The following LDB1 variants were observed in gnomAD, a reference collection of about 807,000 sequenced individuals.
The protein encoded by LDB1 is LIM domain binding 1.
In LDB1, 6 loss-of-function variants were observed where a neutral mutation model predicts 49.7. The ratio of observed to expected loss-of-function variants is 0.12; its 90% CI spans 0.07 to 0.24. The LOEUF is 0.24. LDB1 is among the 10% of genes least tolerant of loss of function. LDB1 has a pLI of 1.00. For missense variants in LDB1, 341 were observed against 561.7 expected (o/e 0.61, Z 3.97); for synonymous variants, 233 against 202.0 (o/e 1.15, Z -1.30).
rs759369989 is a variant in LDB1, at chr10:102,109,622, T to C, written c.710A>G (p.Asn237Ser). The change falls in exon 8 of 11, where the codon AAT becomes AGT. Residue 237 changes from asparagine (N) to serine (S), a missense_variant. Physicochemically the swap from Asn to Ser is conservative, Grantham distance 46 (BLOSUM62 1). Transcript: ENST00000673968. This position sits in a 1 kb window ranked among gnomAD's most constrained non-coding sequence, Gnocchi z 5.8. ...SKNITRCGLS[N>S]STLNYLRLCV... Reference sequence around the variant, plus strand: ...CACTCGGAGGTAGTTGAGAGTGGAATTGGACAGCCCACACCGAGTGATGTT... The same window carrying C: ...CACTCGGAGGTAGTTGAGAGTGGAACTGGACAGCCCACACCGAGTGATGTT... 7 of 1,614,036 alleles carry C rather than the reference T, an allele frequency of 4.3e-6. No homozygotes were observed. The highest frequency in any genetic ancestry group is 1.1e-5 in the South Asian group (1 of 91,072).
At chr10:102,112,103 G>C (rs1288143391) in intron 1 of LDB1, among the ~76,000 whole-genome samples, 1 of 152,154 alleles carries the variant, frequency 6.6e-6, no homozygotes, top group Non-Finnish European at 1.5e-5. Flanking sequence ...ATTTGGCTGA[G>C]TCCTAGATGA....
rs888099283 is a variant in LDB1, at chr10:102,107,928, G to A, written c.*165C>T. Reference sequence around the variant, plus strand: ...AGGCCCAGCCCAGGGCCACTGGGGGGGCAAATCTTGGCACCTGCCCCCAGA... The same window carrying A: ...AGGCCCAGCCCAGGGCCACTGGGGGAGCAAATCTTGGCACCTGCCCCCAGA... On this transcript the variant is annotated 3_prime_UTR_variant, in exon 11 of 11. Coordinates refer to ENST00000673968, the MANE Select transcript of LDB1 (RefSeq NM_001113407.3). 1.0e-5 allele frequency: 7 copies of A among 675,002 alleles called. No individual in the cohort carries two copies. The highest frequency in any genetic ancestry group is 1.8e-5 in the Non-Finnish European group (7 of 386,168). 41.8% of individuals were successfully genotyped at this position (675,002 alleles called of 1,614,324 possible).
intron 10 of LDB1, 84 bp from the exon 11 acceptor site, chr10:102,108,407 C>T (rs1262024901): frequency 9.4e-7 from 1 of 1,063,682 alleles, no homozygotes; most frequent in Non-Finnish European, 1.4e-6. Flanking sequence ...AGCCCCAGTA[C>T]CCACCCTGGA....
At chr10:102,119,531 G>A (rs1389451171) in intron 1 of LDB1, among the ~76,000 whole-genome samples, 1 of 152,056 alleles carries the variant, frequency 6.6e-6, no homozygotes. Context: ...GCACCTCTTA[G>A]GAGTACCTCC....
At chr10:102,111,224 A>G in intron 3 of LDB1, 32 bp downstream of exon 3, 1 of 1,613,346 alleles carries the variant, frequency 6.2e-7, no homozygotes, top group Non-Finnish European at 8.5e-7. Context: ...ACCCAGTGGA[A>G]AGCACCTTCT....
At chr10:102,105,209 C>T (rs569562664), downstream of LDB1, among the ~76,000 whole-genome samples, 2 of 152,232 alleles carry the variant, frequency 1.3e-5, no homozygotes, top group Admixed American at 1.3e-4. Context: ...TTGCTGGTGG[C>T]AGTTGGCTGG....
intron 1 of LDB1, among the ~76,000 whole-genome samples, chr10:102,113,824 T>C (rs531480785): frequency 4.0e-5 from 6 of 151,450 alleles, no homozygotes; most frequent in Non-Finnish European, 7.4e-5. Context: ...ACAGGCATTG[T>C]CTAGGCCTGG....
At chr10:102,112,299 G>A (rs1377640359) in intron 1 of LDB1, among the ~76,000 whole-genome samples, 1 of 152,168 alleles carries the variant, frequency 6.6e-6, no homozygotes, top group East Asian at 1.9e-4. Context: ...AGGGCTCAAA[G>A]GACCTTGCCA....
intron 10 of LDB1, 167 bp downstream of exon 10, chr10:102,108,862 T>C: frequency 1.2e-6 from 1 of 849,470 alleles, no homozygotes; most frequent in Non-Finnish European, 1.9e-6. Context: ...CCCATGCAAG[T>C]GCCTGACAAG....
Position 102,109,829 on chromosome 10 carries a change from G to C in LDB1, c.648+92C>G. The C allele has an allele frequency of 6.4e-7, 1 of 1,571,510 alleles. No homozygotes were observed. The highest frequency in any genetic ancestry group is 8.7e-7 in the Non-Finnish European group (1 of 1,152,042). ...TCAGATGAAGAAACCCTAACCCTCT[G>C]TCTAAGTAGTCAGTCGGGAAATGGC... On this transcript the variant is annotated intron_variant, in intron 7 of 10. Transcript: ENST00000673968. The surrounding 1 kb of genome is among the most constrained non-coding windows in gnomAD (Gnocchi z 5.8).
intron 1 of LDB1, chr10:102,114,876 GCACTCACACT>G (rs1276148542): frequency 2.1e-6 from 2 of 974,446 alleles, no homozygotes; most frequent in South Asian, 4.9e-5. Context: ...GCAGGACCCG[GCACTCACACT>G]CACTCACACT....
intron 1 of LDB1, among the ~76,000 whole-genome samples, chr10:102,119,371 G>T (rs1366569579): frequency 6.6e-6 from 1 of 151,794 alleles, no homozygotes; most frequent in Non-Finnish European, 1.5e-5. Flanking sequence ...ATGTTTTGGG[G>T]AGGCAGGGAT....
downstream of LDB1, among the ~76,000 whole-genome samples, chr10:102,106,139 C>G (rs2068157760): frequency 6.6e-6 from 1 of 152,040 alleles, no homozygotes; most frequent in African/African-American, 2.4e-5. Context: ...AACGGCATAA[C>G]CCAAGGCAGT....
Position 102,109,271 on chromosome 10 carries a change from A to C in LDB1, c.857-94T>G, listed in dbSNP as rs2068214950. 1 of 1,603,904 alleles carries C rather than the reference A, an allele frequency of 6.2e-7. No individual in the cohort carries two copies. Among genetic ancestry groups the C allele is most frequent in the Non-Finnish European group, 8.5e-7 (1 of 1,174,538 alleles). The stretch of plus-strand genomic sequence containing the variant: ...AGGAGCATGAGCCTGCCCTGATCCC[A>C]ATTTTGTAGACCCGGGAACAAGGAA... On this transcript the variant is annotated intron_variant, in intron 9 of 10. Coordinates refer to ENST00000673968, the MANE Select transcript of LDB1 (RefSeq NM_001113407.3). The surrounding 1 kb of genome is among the most constrained non-coding windows in gnomAD (Gnocchi z 5.8).
At chr10:102,111,666 C>A in intron 1 of LDB1, 130 bp from the exon 2 acceptor site, 1 of 541,922 alleles carries the variant, frequency 1.8e-6, no homozygotes, top group Non-Finnish European at 3.3e-6. Context: ...GCCTAGGCAA[C>A]ATAGCGAGAC....
chr10:102,120,664 C>T (rs149443982), upstream of LDB1, among the ~76,000 whole-genome samples: 52 of 152,250 alleles, frequency 3.4e-4, no homozygotes, highest in East Asian at 0.01. Context: ...GCATGTGACG[C>T]AGCTTTTAAA....
chr10:102,116,336 C>T (rs894214878), intron 1 of LDB1, among the ~76,000 whole-genome samples: 3 of 152,196 alleles, frequency 2.0e-5, no homozygotes, highest in African/African-American at 7.2e-5. Context: ...TGCATGCCAC[C>T]ACACCCAGCT....
upstream of LDB1, chr10:102,120,479 C>A (rs1182524554): frequency 1.0e-5 from 8 of 789,130 alleles, no homozygotes; most frequent in African/African-American, 1.1e-4. Flanking sequence ...GCGCCGGCGC[C>A]GGCTCCCCAG....
At chr10:102,114,982 T>C (rs893792981) in intron 1 of LDB1, 7 of 364,980 alleles carry the variant, frequency 1.9e-5, no homozygotes, top group Non-Finnish European at 2.7e-5. Context: ...CCGCTCGCTC[T>C]CTCCGAGCCT....
Sources: gnomAD v4.1 joint callset for allele counts (sites outside exome capture counted in the v4.1 genomes callset) on GRCh38, gnomAD v4.1.1 for gene constraint, Gnocchi (gnomAD v3.1) non-coding constraint, MANE v1.5 for transcripts, NCBI Gene and HGNC (gene_info 2026-07-23, HGNC 2026-07-21) for gene names.